Variants in SDK1 observed in about 807,000 individuals in gnomAD.
SDK1 encodes the protein protein sidekick-1.
Under a neutral mutation model 245.5 loss-of-function variants are expected in SDK1, and 157 were observed. The ratio of observed to expected loss-of-function variants is 0.64; its 90% CI spans 0.56 to 0.73. The LOEUF (loss-of-function observed/expected upper bound fraction) is 0.73, where lower values mean the gene tolerates loss of function less well. Among genes scored for constraint, SDK1 ranks in the 30% least tolerant of loss-of-function variants. The pLI is 0.00. For synonymous variants in SDK1, 1,647 were observed against 1,278.5 expected (o/e 1.29, Z -6.15); for missense variants, 3,583 against 3,002.3 (o/e 1.19, Z -4.52).
chr7:3,864,147 C>G (rs185497125), intron 5 of SDK1, among the ~76,000 whole-genome samples: 1 of 152,150 alleles, frequency 6.6e-6, no homozygotes, highest in Non-Finnish European at 1.5e-5. Context: ...CTACTTAGTA[C>G]AAAGAAGTAG....
intron 4 of SDK1, among the ~76,000 whole-genome samples, chr7:3,709,611 A>G (rs553502579): frequency 4.0e-4 from 61 of 152,338 alleles, no homozygotes; most frequent in African/African-American, 1.4e-3. Context: ...GTTTCTTGGA[A>G]GAAAGTTAAT....
intron 1 of SDK1, among the ~76,000 whole-genome samples, chr7:3,330,016 G>C (rs532065274): frequency 1.3e-5 from 2 of 152,190 alleles, no homozygotes; most frequent in Non-Finnish European, 1.5e-5. Flanking sequence ...TGGATACCAA[G>C]TAGATGTCTA....
intron 1 of SDK1, among the ~76,000 whole-genome samples, chr7:3,426,328 G>T (rs142873106): frequency 1.3e-5 from 2 of 152,290 alleles, no homozygotes; most frequent in Non-Finnish European, 2.9e-5. Flanking sequence ...GCTAAGTGCA[G>T]GAAGGCCCAC....
intron 1 of SDK1, among the ~76,000 whole-genome samples, chr7:3,578,693 C>T (rs893075370): frequency 6.6e-6 from 1 of 151,806 alleles, no homozygotes; most frequent in African/African-American, 2.4e-5. Flanking sequence ...CAACACCTCT[C>T]CTGCTTGCAC....
At chr7:4,189,056 TA>T (rs5882012) in intron 35 of SDK1, among the ~76,000 whole-genome samples, 2 of 151,882 alleles carry the variant, frequency 1.3e-5, no homozygotes, top group South Asian at 2.1e-4. Context: ...GGCAAGTTCT[TA>T]AAAAAAAGCA....
At chr7:4,177,068 T>C (rs1375173933) in intron 34 of SDK1, among the ~76,000 whole-genome samples, 1 of 152,222 alleles carries the variant, frequency 6.6e-6, no homozygotes. Flanking sequence ...TATGTTGTGT[T>C]CAGGCATTCT....
intron 1 of SDK1, among the ~76,000 whole-genome samples, chr7:3,322,842 C>T (rs185695534): frequency 4.9e-4 from 74 of 152,288 alleles, no homozygotes; most frequent in South Asian, 8.3e-4. Flanking sequence ...TTGTCTCTGT[C>T]TCTGTCGCCC....
chr7:4,034,220 C>G (rs540550838), intron 17 of SDK1, among the ~76,000 whole-genome samples: 1 of 152,278 alleles, frequency 6.6e-6, no homozygotes, highest in South Asian at 2.1e-4. Context: ...TCATGAAAGT[C>G]AAGAACTACT....
At chr7:3,502,992 C>A (rs1782267353) in intron 1 of SDK1, among the ~76,000 whole-genome samples, 1 of 152,114 alleles carries the variant, frequency 6.6e-6, no homozygotes, top group Non-Finnish European at 1.5e-5. Flanking sequence ...CTTGGAATTA[C>A]TTACACTGGT....
intron 4 of SDK1, among the ~76,000 whole-genome samples, chr7:3,663,012 A>T (rs1783414261): frequency 6.6e-6 from 1 of 152,212 alleles, no homozygotes; most frequent in Admixed American, 6.5e-5. Context: ...GCATGCATAG[A>T]TGTGTATGCA....
intron 19 of SDK1, among the ~76,000 whole-genome samples, chr7:4,060,317 C>T (rs1162340329): frequency 2.0e-5 from 3 of 152,146 alleles, no homozygotes; most frequent in East Asian, 3.8e-4. Flanking sequence ...TCTAGTGATA[C>T]ACCTCAAGGA....
In SDK1 at chr7:3,816,701, C is replaced by G. The variant is rs76326943; in HGVS notation, c.714-4749C>G. Among the ~76,000 whole-genome samples, 783 of 152,256 alleles carry G rather than the reference C, an allele frequency of 5.1e-3. 8 individuals carry two copies. The highest frequency in any genetic ancestry group is 0.018 in the African/African-American group (741 of 41,540). ...AATTGAAAGCAATTTTAGTTCTTGT[C>G]GTTGTACAGCTAAGGAAAGTTCATC... is the stretch of plus-strand genomic sequence containing the variant. On this transcript the variant is annotated intron_variant, in intron 4 of 44. Transcript: ENST00000404826.
intron 19 of SDK1, among the ~76,000 whole-genome samples, chr7:4,065,882 A>T (rs564255120): frequency 6.6e-6 from 1 of 151,882 alleles, no homozygotes; most frequent in Non-Finnish European, 1.5e-5. Context: ...CAGGGGTGAG[A>T]CTTCTCTGTA....
Position 3,718,568 on chromosome 7 carries a change from TAA to T in SDK1, c.713+76465_713+76466del, listed in dbSNP as rs1785272107. Among the ~76,000 whole-genome samples, 7 of 143,378 alleles carry T rather than the reference TAA, an allele frequency of 4.9e-5. No homozygotes were observed. The South Asian group carries it at 8.5e-4, about 17-fold the overall frequency. The allele number at this position is 143,378 out of a possible 152,430, so 94.1% of individuals were successfully genotyped here. A position where few individuals can be genotyped will look rare whatever the true frequency, so the allele number is the denominator to read the frequency against. On this transcript the variant is annotated intron_variant, in intron 4 of 44. Coordinates refer to ENST00000404826, the MANE Select transcript of SDK1 (RefSeq NM_152744.4). Reference sequence around the variant, plus strand: ...ATAAATAAATAAATAAATAAATAAATAAATAAATAAATAAATAAATATCTAAC... The same window carrying T: ...ATAAATAAATAAATAAATAAATAAATATAAATAAATAAATAAATATCTAAC...
In SDK1 at chr7:4,267,586, G is replaced by A. The variant is rs1017851752; in HGVS notation, c.*2202G>A. ...GCGATAAATGGAGACCATGGCCAGC[G>A]CTGCTTTCTGTGCACTCTGATGACT... On this transcript the variant is annotated 3_prime_UTR_variant, in exon 45 of 45. Transcript: ENST00000404826. The A allele has an allele frequency of 7.1e-6, 7 of 985,346 alleles. No homozygotes were observed. Among genetic ancestry groups the A allele is most frequent in the Non-Finnish European group, 8.4e-6 (7 of 829,954 alleles). The allele number at this position is 985,346 out of a possible 1,614,324, so 61.0% of individuals were successfully genotyped here.
intron 27 of SDK1, among the ~76,000 whole-genome samples, chr7:4,131,486 C>G (rs1784814818): frequency 6.6e-6 from 1 of 152,212 alleles, no homozygotes; most frequent in Non-Finnish European, 1.5e-5. Context: ...CTGTTCCCAG[C>G]TTCATAGCCA....
intron 1 of SDK1, among the ~76,000 whole-genome samples, chr7:3,565,326 C>A (rs1392877187): frequency 6.6e-6 from 1 of 152,092 alleles, no homozygotes; most frequent in East Asian, 1.9e-4. Flanking sequence ...ATCTGTCAGA[C>A]CTATTCAACA....
chr7:4,187,727 G>A (rs981572296), intron 35 of SDK1, among the ~76,000 whole-genome samples: 2 of 152,178 alleles, frequency 1.3e-5, no homozygotes, highest in African/African-American at 4.8e-5. Context: ...GTCCAAAGGT[G>A]GTTTGGGGTT....
Position 4,204,378 on chromosome 7 carries a change from C to G in SDK1, c.5099-1501C>G, listed in dbSNP as rs117492139. On this transcript the variant is annotated intron_variant, in intron 35 of 44. Coordinates refer to ENST00000404826, the MANE Select transcript of SDK1 (RefSeq NM_152744.4). The stretch of plus-strand genomic sequence containing the variant: ...GAGGCTGAGCATCTGTCACAACAAC[C>G]TGGTGTGGGCTATTAACATTTCCAT... Among the ~76,000 whole-genome samples the G allele has an allele frequency of 4.3e-3, 648 of 152,256 alleles. 2 individuals carry two copies. Among genetic ancestry groups the G allele is most frequent in the Middle Eastern group, 0.01 (3 of 294 alleles).
Sources: gnomAD v4.1 joint callset for allele counts (sites outside exome capture counted in the v4.1 genomes callset) on GRCh38, gnomAD v4.1.1 for gene constraint, MANE v1.5 for transcripts, NCBI Gene and HGNC (gene_info 2026-07-23, HGNC 2026-07-21) for gene names.